The following MLLT3 variants were observed in gnomAD, a reference collection of about 807,000 sequenced individuals.
The protein encoded by MLLT3 is MLLT3 super elongation complex subunit.
Under a neutral mutation model 53.2 loss-of-function variants are expected in MLLT3, and 4 were observed. That is an observed-to-expected ratio of 0.08 (90% CI 0.04 to 0.17). MLLT3 has a LOEUF of 0.17. Ranked by LOEUF, MLLT3 falls within the 10% of genes least tolerant of loss-of-function variation. MLLT3 has a pLI of 1.00. For missense variants in MLLT3, 569 were observed against 684.0 expected (o/e 0.83, Z 1.87); for synonymous variants, 283 against 230.6 (o/e 1.23, Z -2.06).
chr9:20,590,342 C>T (rs2131185454), intron 2 of MLLT3, among the ~76,000 whole-genome samples: 1 of 152,294 alleles, frequency 6.6e-6, no homozygotes, highest in East Asian at 1.9e-4. Context: ...ATATGGGTTG[C>T]ATGTGTCCCC....
intron 4 of MLLT3, among the ~76,000 whole-genome samples, chr9:20,433,121 G>A (rs1326590680): frequency 2.0e-5 from 3 of 151,942 alleles, no homozygotes; most frequent in African/African-American, 7.3e-5. Flanking sequence ...GAGGAGGAAC[G>A]GCTACAGGTG....
intron 2 of MLLT3, among the ~76,000 whole-genome samples, chr9:20,540,077 C>A (rs1012454846): frequency 6.6e-6 from 1 of 152,244 alleles, no homozygotes; most frequent in Non-Finnish European, 1.5e-5. Flanking sequence ...ATAATCTCCA[C>A]TGACTTCGTG....
intron 2 of MLLT3, among the ~76,000 whole-genome samples, chr9:20,522,116 A>T (rs993420225): frequency 6.6e-6 from 1 of 151,576 alleles, no homozygotes; most frequent in Non-Finnish European, 1.5e-5. Context: ...ACAAGTTTTG[A>T]TACAAAAAAA....
At chr9:20,593,011 G>C (rs1820166824) in intron 2 of MLLT3, among the ~76,000 whole-genome samples, 1 of 152,166 alleles carries the variant, frequency 6.6e-6, no homozygotes, top group Non-Finnish European at 1.5e-5. Context: ...TACCAAAGCT[G>C]TTAAGTATTA....
At chr9:20,431,596 A>G (rs1314254554) in intron 4 of MLLT3, among the ~76,000 whole-genome samples, 1 of 152,156 alleles carries the variant, frequency 6.6e-6, no homozygotes, top group Non-Finnish European at 1.5e-5. Flanking sequence ...CTTGATCATT[A>G]TGGAAAACCG....
At chr9:20,386,811 T>C (rs1294888558) in intron 5 of MLLT3, among the ~76,000 whole-genome samples, 4 of 152,176 alleles carry the variant, frequency 2.6e-5, no homozygotes, top group Non-Finnish European at 4.4e-5. Flanking sequence ...ATATATAACA[T>C]TCTGAACTAA....
chr9:20,472,833 A>C (rs1563775374), intron 2 of MLLT3, among the ~76,000 whole-genome samples: 1 of 151,974 alleles, frequency 6.6e-6, no homozygotes, highest in South Asian at 2.1e-4. Context: ...TAGTCATTCA[A>C]AAGTTGGCCA....
chr9:20,538,374 C>T (rs145836381), intron 2 of MLLT3, among the ~76,000 whole-genome samples: 28 of 152,154 alleles, frequency 1.8e-4, no homozygotes, highest in Non-Finnish European at 4.1e-4. Flanking sequence ...GTAAGTAACA[C>T]AGCTGAAATT....
intron 8 of MLLT3, among the ~76,000 whole-genome samples, chr9:20,358,880 G>T (rs2118626380): frequency 6.6e-6 from 1 of 152,110 alleles, no homozygotes; most frequent in East Asian, 1.9e-4. Flanking sequence ...TCATCGGCTG[G>T]GAGCGGTGGC....
chr9:20,412,184 T>C (rs1822746223), intron 5 of MLLT3, among the ~76,000 whole-genome samples: 1 of 152,042 alleles, frequency 6.6e-6, no homozygotes, highest in South Asian at 2.1e-4. Context: ...CCCAACAGCA[T>C]TTCAGGGTGA....
intron 2 of MLLT3, among the ~76,000 whole-genome samples, chr9:20,513,347 A>G (rs370876569): frequency 1.3e-5 from 2 of 152,198 alleles, no homozygotes; most frequent in African/African-American, 4.8e-5. Context: ...GTCCGATGAG[A>G]CACAGAGGAG....
At chr9:20,519,597 A>G (rs1456558269) in intron 2 of MLLT3, among the ~76,000 whole-genome samples, 5 of 152,214 alleles carry the variant, frequency 3.3e-5, no homozygotes, top group Admixed American at 3.3e-4. Context: ...TATGAAAAAA[A>G]GCTCAACATC....
chr9:20,508,012 T>C (rs112176331), intron 2 of MLLT3, among the ~76,000 whole-genome samples: 36 of 152,286 alleles, frequency 2.4e-4, no homozygotes, highest in African/African-American at 8.7e-4. Flanking sequence ...CATTAAGATA[T>C]TCAAATGTAT....
intron 2 of MLLT3, among the ~76,000 whole-genome samples, chr9:20,494,772 T>C (rs1330811340): frequency 6.6e-6 from 1 of 152,148 alleles, no homozygotes; most frequent in Non-Finnish European, 1.5e-5. Context: ...TTACTCAAGG[T>C]GGTCCTGAGT....
At chr9:20,538,468 T>C (rs1366468261) in intron 2 of MLLT3, among the ~76,000 whole-genome samples, 2 of 152,216 alleles carry the variant, frequency 1.3e-5, no homozygotes, top group Middle Eastern at 3.2e-3. Context: ...CTTTCCTGGC[T>C]TCCAACCTCC....
At chr9:20,469,965 T>G (rs1824339936) in intron 2 of MLLT3, among the ~76,000 whole-genome samples, 1 of 152,072 alleles carries the variant, frequency 6.6e-6, no homozygotes, top group Admixed American at 6.5e-5. Context: ...TTAACAGAAG[T>G]ATGAATTTTG....
chr9:20,600,405 TAATC>T (rs1287504288), intron 2 of MLLT3, among the ~76,000 whole-genome samples: 2 of 152,222 alleles, frequency 1.3e-5, no homozygotes, highest in South Asian at 4.1e-4. Flanking sequence ...GCTGAATAAG[TAATC>T]AATACTTTAG....
At chr9:20,392,319 G>T (rs1161807326) in intron 5 of MLLT3, among the ~76,000 whole-genome samples, 1 of 152,146 alleles carries the variant, frequency 6.6e-6, no homozygotes, top group African/African-American at 2.4e-5. Flanking sequence ...TTTAAAATGT[G>T]ACACCAAACA....
intron 2 of MLLT3, among the ~76,000 whole-genome samples, chr9:20,572,087 G>A (rs1002852990): frequency 2.6e-5 from 4 of 152,166 alleles, no homozygotes; most frequent in South Asian, 2.1e-4. Flanking sequence ...CCTAGAGGAC[G>A]TTATGCTAAG....
Sources: gnomAD v4.1 joint callset for allele counts (sites outside exome capture counted in the v4.1 genomes callset) on GRCh38, gnomAD v4.1.1 for gene constraint, MANE v1.5 for transcripts, NCBI Gene and HGNC (gene_info 2026-07-23, HGNC 2026-07-21) for gene names.